Variants in PPP1R27 observed in about 807,000 individuals in gnomAD.
The protein encoded by PPP1R27 is dysferlin interacting protein 1.
PPP1R27 carries 10 observed loss-of-function variants against 12.0 expected under a neutral mutation model. The ratio of observed to expected loss-of-function variants is 0.84; its 90% CI spans 0.52 to 1.42. The LOEUF is 1.42. Among genes scored for constraint, PPP1R27 ranks in the 40% most tolerant of loss-of-function variants. The pLI, the probability that PPP1R27 is intolerant of heterozygous loss-of-function variation, is 0.00. For synonymous variants in PPP1R27, 98 were observed against 89.3 expected, an observed-to-expected ratio of 1.10 and a Z score of -0.55; for missense variants, 246 against 215.3, an observed-to-expected ratio of 1.14 and a Z score of -0.89.
rs142499293 is a variant in PPP1R27 at position 81,834,557 on chromosome 17, G to A, written c.287C>T (p.Ala96Val). 1.1e-5 allele frequency: 17 copies of A among 1,614,052 alleles called. No individual in the cohort carries two copies. Among genetic ancestry groups the A allele is most frequent in the Non-Finnish European group, 1.3e-5 (15 of 1,180,030 alleles). ...YGADIHQRDE[A>V]GWTPLHIACS... is the part of the protein sequence containing the mutation. The stretch of plus-strand genomic sequence containing the variant: ...GGCAATGTGCAGGGGTGTCCAGCCC[G>A]CCTCATCTCGCTGGTGAATGTCAGC... The change falls in exon 2 of 3, where the codon GCG (alanine) becomes GTG (valine). Residue 96 changes from alanine (A) to valine (V), a missense_variant. Coordinates refer to ENST00000330261, the MANE Select transcript of PPP1R27 (RefSeq NM_001007533.4).
In PPP1R27 at chr17:81,835,022, C is replaced by T. The variant is rs527617671; in HGVS notation, c.-69G>A. Reference sequence around the variant, plus strand: ...CTGGGGTTAATAATGTATCCGGTCCCGACCAGATCAGCTTGAGGGCTCCTG... The same window carrying T: ...CTGGGGTTAATAATGTATCCGGTCCTGACCAGATCAGCTTGAGGGCTCCTG... On this transcript the variant is annotated 5_prime_UTR_variant, in exon 1 of 3. Transcript: ENST00000330261. The T allele has an allele frequency of 3.4e-5, 48 of 1,427,370 alleles. No homozygotes were observed. In the African/African-American group the frequency reaches 4.1e-4, roughly 12 times the overall value. 88.4% of individuals were successfully genotyped at this position (1,427,370 alleles called of 1,614,324 possible).
rs1301444679 is a variant in PPP1R27 at position 81,835,007 on chromosome 17, T to G, written c.-54A>C. The G allele has an allele frequency of 1.5e-5, 23 of 1,487,018 alleles. No homozygotes were observed. The highest frequency in any genetic ancestry group is 2.1e-5 in the Non-Finnish European group (23 of 1,118,928). 92.1% of individuals were successfully genotyped at this position (1,487,018 alleles called of 1,614,324 possible). On this transcript the variant is annotated 5_prime_UTR_variant, in exon 1 of 3. Coordinates refer to ENST00000330261, the MANE Select transcript of PPP1R27 (RefSeq NM_001007533.4). Reference sequence around the variant, plus strand: ...GGGGACCCTACTGCACTGGGGTTAATAATGTATCCGGTCCCGACCAGATCA... The same window carrying G: ...GGGGACCCTACTGCACTGGGGTTAAGAATGTATCCGGTCCCGACCAGATCA...
At chr17:81,834,415 G>A (rs2038585155) in intron 2 of PPP1R27, 88 bp downstream of exon 2, 2 of 1,482,844 alleles carry the variant, frequency 1.3e-6, no homozygotes, top group Non-Finnish European at 1.8e-6. Flanking sequence ...GACACCACCC[G>A]GGCTACATTT....
rs2038571261 is a variant in PPP1R27 at position 81,833,597 on chromosome 17, G to T, written c.*132C>A. 9.1e-6 allele frequency: 8 copies of T among 876,852 alleles called. No homozygotes were observed. The Admixed American group carries it at 1.5e-4, about 17-fold the overall frequency. 54.3% of individuals were successfully genotyped at this position (876,852 alleles called of 1,614,324 possible). The stretch of plus-strand genomic sequence containing the variant: ...CTGGGGACAAAGCCAGGCCTAGGAG[G>T]GGTGGCGGGGTCGTGGAGGGACGGG... On this transcript the variant is annotated 3_prime_UTR_variant, in exon 3 of 3. Coordinates refer to ENST00000330261, the MANE Select transcript of PPP1R27 (RefSeq NM_001007533.4).
intron 1 of PPP1R27, 31 bp from the exon 2 acceptor site, chr17:81,834,684 T>G: frequency 6.2e-7 from 1 of 1,613,168 alleles, no homozygotes; most frequent in Admixed American, 1.7e-5. Context: ...GGGTCAAGAC[T>G]GAGCCCCAGG....
At position 81,834,857 on chromosome 17, in the gene PPP1R27, G is replaced by A; in HGVS notation, c.97C>T (p.Leu33=). 1 of 1,613,596 alleles carries A rather than the reference G, an allele frequency of 6.2e-7. No individual in the cohort carries two copies. Among genetic ancestry groups the A allele is most frequent in the Middle Eastern group, 1.6e-4 (1 of 6,062 alleles). Residue 33 remains leucine, a synonymous_variant, in exon 1 of 3, where the codon CTG becomes TTG. Coordinates refer to ENST00000330261, the MANE Select transcript of PPP1R27 (RefSeq NM_001007533.4). The stretch of plus-strand genomic sequence containing the variant: ...CCCTGCCGGATGTGGTCCAAGAACA[G>A]GACATCATTAGGGAAACGCACGCTG... The part of the protein sequence containing the change: ...DRSVRFPNDV[L]FLDHIRQGDL...
In PPP1R27 at chr17:81,833,718, G is replaced by T. The variant is rs2143280268; in HGVS notation, c.*11C>A. 1 of 1,546,786 alleles carries T rather than the reference G, an allele frequency of 6.5e-7. No homozygotes were observed. On this transcript the variant is annotated 3_prime_UTR_variant, in exon 3 of 3. Transcript: ENST00000330261. ...CGGCCCTGGGCGCGGGGGCGGGCGG[G>T]CAAAGCTGGCTCAGTCCATCGTGGT...
Position 81,834,875 on chromosome 17 carries a change from G to C in PPP1R27, c.79C>G (p.Arg27Gly), listed in dbSNP as rs756452367. Residue 27 changes from arginine (R) to glycine (G), a missense_variant, in exon 1 of 3, where the codon CGT becomes GGT. Transcript: ENST00000330261. Reference protein sequence around the residue: ...RRRMLADRSVRFPNDVLFLDH... With the variant: ...RRRMLADRSVGFPNDVLFLDH... ...AAGAACAGGACATCATTAGGGAAAC[G>C]CACGCTGCGATCAGCCAGCATCCGC... 3 of 1,613,196 alleles carry C rather than the reference G, an allele frequency of 1.9e-6. No homozygotes were observed. Among genetic ancestry groups the C allele is most frequent in the Non-Finnish European group, 2.5e-6 (3 of 1,179,966 alleles).
chr17:81,833,598 G>C lies in PPP1R27; in HGVS notation c.*131C>G, dbSNP rs2038571304. ...TGGGGACAAAGCCAGGCCTAGGAGG[G>C]GTGGCGGGGTCGTGGAGGGACGGGT... On this transcript the variant is annotated 3_prime_UTR_variant, in exon 3 of 3. Coordinates refer to ENST00000330261, the MANE Select transcript of PPP1R27 (RefSeq NM_001007533.4). 1 of 888,216 alleles carries C rather than the reference G, an allele frequency of 1.1e-6. No individual in the cohort carries two copies. The highest frequency in any genetic ancestry group is 3.0e-5 in the Admixed American group (1 of 33,212). 55.0% of individuals were successfully genotyped at this position (888,216 alleles called of 1,614,324 possible). A position where few individuals can be genotyped will look rare whatever the true frequency, so the allele number is the denominator to read the frequency against.
chr17:81,834,179 C>T (rs1450051428), intron 2 of PPP1R27: 2 of 458,580 alleles, frequency 4.4e-6, no homozygotes, highest in Non-Finnish European at 3.9e-6. Flanking sequence ...TCTCGACTCA[C>T]GGCAACCTCC....
Position 81,834,840 on chromosome 17 carries a change from G to T in PPP1R27, c.114C>A (p.Ile38=), listed in dbSNP as rs535491596. 49 of 1,613,726 alleles carry T rather than the reference G, an allele frequency of 3.0e-5. No individual in the cohort carries two copies. The highest frequency in any genetic ancestry group is 1.1e-4 in the East Asian group (5 of 44,886). Residue 38 remains isoleucine, a synonymous_variant, in exon 1 of 3, where the codon ATC becomes ATA. Transcript: ENST00000330261. ...CCACCTGCTCCAGGTCACCCTGCCG[G>T]ATGTGGTCCAAGAACAGGACATCAT... ...FPNDVLFLDH[I]RQGDLEQVGR... is the part of the protein sequence containing the mutation.
At chr17:81,834,451 T>C (rs1163928885) in intron 2 of PPP1R27, 52 bp downstream of exon 2, 4 of 1,588,020 alleles carry the variant, frequency 2.5e-6, no homozygotes, top group Non-Finnish European at 3.4e-6. Flanking sequence ...GGGGACCCAC[T>C]GAGGCCCGGA....
chr17:81,833,653 C>G lies in PPP1R27; in HGVS notation c.*76G>C, dbSNP rs1488370771. 1.4e-6 allele frequency: 2 copies of G among 1,478,120 alleles called. No homozygotes were observed. Among genetic ancestry groups the G allele is most frequent in the African/African-American group, 2.8e-5 (2 of 71,208 alleles). The allele number at this position is 1,478,120 out of a possible 1,614,324, so 91.6% of individuals were successfully genotyped here. A position where few individuals can be genotyped will look rare whatever the true frequency, so the allele number is the denominator to read the frequency against. On this transcript the variant is annotated 3_prime_UTR_variant, in exon 3 of 3. Transcript: ENST00000330261. ...CCGCCCCTGGCCCACGGGTGGGGCACGTGCTGGCCCATGGGCGACGCGCGG... is the reference window on the plus strand; with the variant it reads ...CCGCCCCTGGCCCACGGGTGGGGCAGGTGCTGGCCCATGGGCGACGCGCGG...
rs2038580379 is a variant in PPP1R27, at chr17:81,834,103, T to C, written c.342-251A>G. 2.1e-5 allele frequency: 10 copies of C among 487,150 alleles called. No individual in the cohort carries two copies. The South Asian group carries it at 2.9e-4, about 14-fold the overall frequency. 30.2% of individuals were successfully genotyped at this position (487,150 alleles called of 1,614,324 possible). A position where few individuals can be genotyped will look rare whatever the true frequency, so the allele number is the denominator to read the frequency against. ...CTCTAGGGTTTGCAGGGTTCTTTTT[T>C]TGTTTTTTTTGTTTTTTGAGACAGA... On this transcript the variant is annotated intron_variant, in intron 2 of 2. Coordinates refer to ENST00000330261, the MANE Select transcript of PPP1R27 (RefSeq NM_001007533.4).
At chr17:81,834,154 A>T in intron 2 of PPP1R27, 1 of 461,480 alleles carries the variant, frequency 2.2e-6, no homozygotes, top group Non-Finnish European at 3.9e-6. Context: ...CCCAGGCTGG[A>T]GTGCAATGGC....
In PPP1R27 at chr17:81,834,921, G is replaced by T; in HGVS notation, c.33C>A (p.Tyr11Ter). The T allele has an allele frequency of 6.2e-7, 1 of 1,611,542 alleles. No homozygotes were observed. The highest frequency in any genetic ancestry group is 8.5e-7 in the Non-Finnish European group (1 of 1,179,206). The stretch of plus-strand genomic sequence containing the variant: ...TCCGCCGCCGCCGCTGCCGTGGGCT[G>T]TAGCGGGCATAGCGGGCAGTTCTGC... Reference protein sequence around the residue: MPSRTARYARYSPRQRRRRML... With the variant: MPSRTARYAR Residue 11 changes from tyrosine to a stop codon, truncating the protein, a stop_gained, in exon 1 of 3, where the codon TAC becomes TAA. Transcript: ENST00000330261. LOFTEE classifies it high-confidence loss of function.
In PPP1R27 at chr17:81,833,707, GGGGC is replaced by G. The variant is rs1339352313; in HGVS notation, c.*18_*21del. On this transcript the variant is annotated 3_prime_UTR_variant, in exon 3 of 3. Transcript: ENST00000330261. ...CTCCAGGGAGGCGGCCCTGGGCGCG[GGGGC>G]GGGCGGGCAAAGCTGGCTCAGTCCA... is the stretch of plus-strand genomic sequence containing the variant. 6.5e-7 allele frequency: 1 copy of G among 1,544,540 alleles called. No homozygotes were observed. Among genetic ancestry groups the G allele is most frequent in the Admixed American group, 2.0e-5 (1 of 50,898 alleles).
intron 1 of PPP1R27, 29 bp downstream of exon 1, chr17:81,834,735 C>G: frequency 6.2e-7 from 1 of 1,609,798 alleles, no homozygotes; most frequent in Non-Finnish European, 8.5e-7. Context: ...CCCCACAGGC[C>G]CTGGCCAGCT....
Position 81,834,927 on chromosome 17 carries a change from G to T in PPP1R27, c.27C>A (p.Ala9=). ...GCCGCCGCTGCCGTGGGCTGTAGCG[G>T]GCATAGCGGGCAGTTCTGCTAGGCA... MPSRTARY[A]RYSPRQRRRR... is the part of the protein sequence containing the mutation. Residue 9 remains alanine (A), a synonymous_variant, in exon 1 of 3, where the codon GCC becomes GCA. Coordinates refer to ENST00000330261, the MANE Select transcript of PPP1R27 (RefSeq NM_001007533.4). 6.2e-7 allele frequency: 1 copy of T among 1,609,706 alleles called. No homozygotes were observed. The highest frequency in any genetic ancestry group is 1.1e-5 in the South Asian group (1 of 90,622).
Sources: allele counts gnomAD v4.1 joint callset, GRCh38; gene constraint gnomAD v4.1.1; transcripts MANE v1.5; gene names NCBI Gene and HGNC (gene_info 2026-07-23, HGNC 2026-07-21).